Variants in DNAH12 observed in about 807,000 individuals in gnomAD.
DNAH12 encodes the protein dynein axonemal heavy chain 12, also known as axonemal beta dynein heavy chain 12.
In DNAH12, 285 loss-of-function variants were observed where a neutral mutation model predicts 371.5. The observed-to-expected ratio is 0.77, with a 90% confidence interval of 0.70 to 0.85. The LOEUF (loss-of-function observed/expected upper bound fraction) is 0.85. Among genes scored for constraint, DNAH12 ranks in the 40% least tolerant of loss-of-function variants. The pLI is 0.00. For synonymous variants in DNAH12, 1,200 were observed against 1,213.0 expected, an observed-to-expected ratio of 0.99 and a Z score of 0.22; for missense variants, 3,611 against 3,689.4, an observed-to-expected ratio of 0.98 and a Z score of 0.55.
At position 57,445,302 on chromosome 3, in the gene DNAH12, AG is replaced by A; in HGVS notation, c.4296del (p.Tyr1433IlefsTer21). 1 of 1,551,680 alleles carries A rather than the reference AG, an allele frequency of 6.4e-7. No homozygotes were observed. The highest frequency in any genetic ancestry group is 1.4e-5 in the African/African-American group (1 of 73,184). On this transcript the variant is annotated frameshift_variant, in exon 28 of 74. Coordinates refer to ENST00000495027, the MANE Select transcript of DNAH12 (RefSeq NM_001366028.2). LOFTEE classifies it high-confidence loss of function. ...ARPLSVKIVM[T>X]YRLCSEQLSS... ...GAGAGCTGCTCTGAGCAAAGCCTAT[AG>A]GTCATTACTATTTTCACAGACAGAG... is the stretch of plus-strand genomic sequence containing the variant.
At chr3:57,451,863 G>T (rs1422787544) in intron 25 of DNAH12, among the ~76,000 whole-genome samples, 2 of 152,178 alleles carry the variant, frequency 1.3e-5, no homozygotes, top group Admixed American at 1.3e-4. Context: ...CTGGTGATCA[G>T]CTGTTTCCCC....
At chr3:57,319,318 C>G (rs1481502467) in intron 65 of DNAH12, among the ~76,000 whole-genome samples, 2 of 152,130 alleles carry the variant, frequency 1.3e-5, no homozygotes, top group Non-Finnish European at 2.9e-5. Context: ...CATCTGCAAA[C>G]AAGGACAATT....
chr3:57,330,902 T>C (rs1302590126), intron 62 of DNAH12, among the ~76,000 whole-genome samples: 2 of 151,950 alleles, frequency 1.3e-5, no homozygotes, highest in African/African-American at 4.8e-5. Flanking sequence ...AATCAATCAA[T>C]CAATCAATCA....
chr3:57,381,493 T>C (rs1305412577), intron 50 of DNAH12, among the ~76,000 whole-genome samples: 2 of 152,148 alleles, frequency 1.3e-5, no homozygotes, highest in Non-Finnish European at 2.9e-5. Context: ...ACAGCTAACA[T>C]TTATTGTGTA....
intron 60 of DNAH12, among the ~76,000 whole-genome samples, chr3:57,341,195 T>C (rs1458055531): frequency 6.6e-6 from 1 of 152,126 alleles, no homozygotes; most frequent in African/African-American, 2.4e-5. Flanking sequence ...AAGACAAGGA[T>C]ACCCACTCTC....
Position 57,433,458 on chromosome 3 carries a change from T to C in DNAH12, c.4889A>G (p.Glu1630Gly). ...ANTFREFALS[E>G]TPDRKWVVFD... is the part of the protein sequence containing the mutation. ...TACAACCCATTTCCGGTCAGGTGTTTCTGATAAGGCAAATTCTCTAAAAGT... is the reference window on the plus strand; with the variant it reads ...TACAACCCATTTCCGGTCAGGTGTTCCTGATAAGGCAAATTCTCTAAAAGT... Residue 1630 changes from glutamate (E) to glycine (G), a missense_variant, in exon 32 of 74, where the codon GAA (glutamate) becomes GGA (glycine). This residue lies in a region of DNAH12 where 2,266 missense variants were observed against 2,236.9 expected (regional missense o/e 1.01). Transcript: ENST00000495027. The C allele has an allele frequency of 6.4e-7, 1 of 1,551,562 alleles. No individual in the cohort carries two copies. Among genetic ancestry groups the C allele is most frequent in the Non-Finnish European group, 8.7e-7 (1 of 1,146,920 alleles).
chr3:57,415,966 T>G (rs1237126811), intron 37 of DNAH12, among the ~76,000 whole-genome samples: 1 of 152,002 alleles, frequency 6.6e-6, no homozygotes, highest in African/African-American at 2.4e-5. Flanking sequence ...TTTTTGTATT[T>G]TTAGTAGAGA....
chr3:57,507,165 C>A (rs2067794811), intron 8 of DNAH12, among the ~76,000 whole-genome samples: 1 of 151,844 alleles, frequency 6.6e-6, no homozygotes, highest in Non-Finnish European at 1.5e-5. Context: ...TTTGAGGAGG[C>A]CATAAATATA....
Position 57,301,813 on chromosome 3 carries a change from C to T in DNAH12, c.11316G>A (p.Trp3772Ter). The change falls in exon 70 of 74, where the codon TGG becomes TGA. Residue 3772 changes from tryptophan to a stop codon, truncating the protein, a stop_gained. Coordinates refer to ENST00000495027, the MANE Select transcript of DNAH12 (RefSeq NM_001366028.2). LOFTEE classifies it high-confidence loss of function. ...SLLVGKVPEI[W>*]AKRSYPSLKP... Reference sequence around the variant, plus strand: ...TAAGGCTTGGGTATGAACGTTTGGCCCATATTTCTGGAACCTTTCCAACAA... The same window carrying T: ...TAAGGCTTGGGTATGAACGTTTGGCTCATATTTCTGGAACCTTTCCAACAA... 1 of 1,551,412 alleles carries T rather than the reference C, an allele frequency of 6.4e-7. No homozygotes were observed. The highest frequency in any genetic ancestry group is 8.7e-7 in the Non-Finnish European group (1 of 1,146,960).
intron 12 of DNAH12, among the ~76,000 whole-genome samples, chr3:57,486,307 C>T (rs948719229): frequency 1.3e-5 from 2 of 151,988 alleles, no homozygotes; most frequent in Non-Finnish European, 2.9e-5. Flanking sequence ...CAGAGGCTCA[C>T]GCTTGTAAAC....
chr3:57,302,565 GTA>G (rs2061380468), intron 69 of DNAH12, among the ~76,000 whole-genome samples: 3 of 28,854 alleles, frequency 1.0e-4, no homozygotes, highest in African/African-American at 3.9e-4. Flanking sequence ...ATATATATAT[GTA>G]TTTTTTTTTT....
intron 60 of DNAH12, among the ~76,000 whole-genome samples, chr3:57,342,051 T>A (rs144332484): frequency 6.6e-6 from 1 of 151,990 alleles, no homozygotes; most frequent in African/African-American, 2.4e-5. Context: ...CTGGGGAAAA[T>A]TGGATATCCA....
chr3:57,343,101 G>A (rs1437305940), intron 60 of DNAH12, among the ~76,000 whole-genome samples: 2 of 151,788 alleles, frequency 1.3e-5, no homozygotes, highest in Non-Finnish European at 2.9e-5. Context: ...CAAATGATCT[G>A]AACAGACAGT....
intron 69 of DNAH12, among the ~76,000 whole-genome samples, chr3:57,304,410 G>C (rs2061427284): frequency 6.6e-6 from 1 of 152,116 alleles, no homozygotes; most frequent in African/African-American, 2.4e-5. Flanking sequence ...TTTTAAATCA[G>C]GTAAGCAGCC....
At chr3:57,355,131 A>G (rs1458382055) in intron 59 of DNAH12, among the ~76,000 whole-genome samples, 1 of 152,166 alleles carries the variant, frequency 6.6e-6, no homozygotes, top group Non-Finnish European at 1.5e-5. Context: ...GCAACTGGGT[A>G]AAAGGTACAT....
At chr3:57,551,822 A>T in the DNAH12 span, among the ~76,000 whole-genome samples, 5 of 152,246 alleles carry the variant, frequency 3.3e-5, no homozygotes, top group South Asian at 1.0e-3. Flanking sequence ...AAAAAAAAAC[A>T]GAACTTGAGA....
Position 57,444,869 on chromosome 3 carries a change from CCACT to C in DNAH12, c.4426-57_4426-54del, listed in dbSNP as rs939338976. On this transcript the variant is annotated intron_variant, in intron 28 of 73. Coordinates refer to ENST00000495027, the MANE Select transcript of DNAH12 (RefSeq NM_001366028.2). ...AAGTTAGTTGCCAGCAATTGCAACC[CCACT>C]TCTCCCTCCCCTCCCAGCCCCGGCC... 2.6e-6 allele frequency: 4 copies of C among 1,517,388 alleles called. No homozygotes were observed. In the African/African-American group the frequency reaches 5.6e-5, roughly 21 times the overall value. The allele number at this position is 1,517,388 out of a possible 1,614,324, so 94.0% of individuals were successfully genotyped here. A position where few individuals can be genotyped will look rare whatever the true frequency, so the allele number is the denominator to read the frequency against.
rs776184662 is a variant in DNAH12, at chr3:57,525,756, C to CTTTTTTT, written c.171-1879_171-1873dup. ...ATGCTAGCAAATAGTATGTCTTATT[C>CTTTTTTT]TTTTTTTTTTTTTTTTTTTTTTTTG... On this transcript the variant is annotated intron_variant, in intron 2 of 73. Transcript: ENST00000495027. Among the ~76,000 whole-genome samples, 186 of 76,276 alleles carry CTTTTTTT rather than the reference C, an allele frequency of 2.4e-3. 11 individuals carry two copies. Among genetic ancestry groups the CTTTTTTT allele is most frequent in the African/African-American group, 3.3e-3 (62 of 18,626 alleles). 50.0% of individuals were successfully genotyped at this position (76,276 alleles called of 152,430 possible). A position where few individuals can be genotyped will look rare whatever the true frequency, so the allele number is the denominator to read the frequency against.
intron 4 of DNAH12, among the ~76,000 whole-genome samples, chr3:57,517,806 C>T (rs955197713): frequency 2.7e-4 from 41 of 151,092 alleles, no homozygotes; most frequent in African/African-American, 9.7e-4. Context: ...CAGCACTTTG[C>T]GAGGTAGAAG....
Sources: gnomAD v4.1 joint callset for allele counts (sites outside exome capture counted in the v4.1 genomes callset) on GRCh38, gnomAD v4.1.1 for gene constraint, gnomAD v4.1.1 regional missense constraint, MANE v1.5 for transcripts, NCBI Gene and HGNC (gene_info 2026-07-23, HGNC 2026-07-21) for gene names.